OR9Q1: variants seen among roughly 807,000 people sequenced by gnomAD.
OR9Q1 encodes olfactory receptor 9Q1.
For synonymous variants in OR9Q1, 153 were observed against 148.6 expected (o/e 1.03, Z -0.22); for missense variants, 374 against 378.8 (o/e 0.99, Z 0.11).
At chr11:58,076,647 A>AATT (rs1422882371) in intron 2 of OR9Q1, among the ~76,000 whole-genome samples, 1 of 152,074 alleles carries the variant, frequency 6.6e-6, no homozygotes, top group Non-Finnish European at 1.5e-5. Flanking sequence ...AATAGTTTTT[A>AATT]ATTATTATTA....
intron 1 of OR9Q1, among the ~76,000 whole-genome samples, chr11:58,035,576 A>G (rs936927784): frequency 2.6e-5 from 4 of 152,216 alleles, no homozygotes; most frequent in Admixed American, 2.6e-4. Flanking sequence ...TCCAGAAACT[A>G]TAGAATATGG....
intron 2 of OR9Q1, chr11:58,117,191 A>G (rs1436030652): frequency 6.6e-6 from 1 of 152,186 alleles, no homozygotes; most frequent in African/African-American, 2.4e-5. Context: ...GTGCTTGGCT[A>G]TTTCTTATTC....
intron 1 of OR9Q1, among the ~76,000 whole-genome samples, chr11:58,024,630 C>T (rs12419399): frequency 0.11 from 17,160 of 152,210 alleles, 1,524 homozygotes; most frequent in African/African-American, 0.22. Flanking sequence ...GGCCAAGTTC[C>T]TGTGCGGCCT....
intron 2 of OR9Q1, among the ~76,000 whole-genome samples, chr11:58,146,428 C>A (rs1341740781): frequency 6.6e-6 from 1 of 152,084 alleles, no homozygotes; most frequent in African/African-American, 2.4e-5. Context: ...TATATGCTAT[C>A]TACTATGTAT....
chr11:58,077,424 A>AT (rs956268744), intron 2 of OR9Q1: 1 of 152,182 alleles, frequency 6.6e-6, no homozygotes, highest in Non-Finnish European at 1.5e-5. Flanking sequence ...TAGACTTTGG[A>AT]TCAAAAGTTC....
chr11:58,058,887 C>T (rs1404415443), intron 2 of OR9Q1, among the ~76,000 whole-genome samples: 1 of 152,082 alleles, frequency 6.6e-6, no homozygotes, highest in African/African-American at 2.4e-5. Flanking sequence ...CTGCTGGGCA[C>T]TGTGCGGAGG....
intron 2 of OR9Q1, among the ~76,000 whole-genome samples, chr11:58,157,404 T>C (rs951242470): frequency 2.0e-5 from 3 of 152,208 alleles, no homozygotes; most frequent in Non-Finnish European, 4.4e-5. Context: ...CAGTGATTAA[T>C]ATTCAATAAC....
Position 58,045,871 on chromosome 11 carries a change from A to C in OR9Q1, c.-92-9999A>C, listed in dbSNP as rs190253720. Reference sequence around the variant, plus strand: ...AGCACTACTGACACAGGGGCTGGATAATTCTTTGTTATGGAGAACTGTCCT... The same window carrying C: ...AGCACTACTGACACAGGGGCTGGATCATTCTTTGTTATGGAGAACTGTCCT... On this transcript the variant is annotated intron_variant, in intron 1 of 2. Coordinates refer to ENST00000335397, the MANE Select transcript of OR9Q1 (RefSeq NM_001005212.4). 1.3e-5 allele frequency among the ~76,000 whole-genome samples: 2 copies of C among 152,264 alleles called. 1 individual carries two copies. Among genetic ancestry groups the C allele is most frequent in the East Asian group, 3.9e-4 (2 of 5,168 alleles).
At chr11:58,101,550 T>G (rs766510205) in intron 2 of OR9Q1, among the ~76,000 whole-genome samples, 2 of 152,206 alleles carry the variant, frequency 1.3e-5, no homozygotes. Context: ...GTTGGATACA[T>G]AGTTTGTAAA....
chr11:58,064,021 G>T (rs1853405457), intron 2 of OR9Q1, among the ~76,000 whole-genome samples: 2 of 152,144 alleles, frequency 1.3e-5, no homozygotes, highest in Non-Finnish European at 2.9e-5. Context: ...TGGTTGGTTG[G>T]CGAGTGCAGG....
intron 1 of OR9Q1, among the ~76,000 whole-genome samples, chr11:58,042,467 G>A (rs955817250): frequency 1.8e-4 from 28 of 151,668 alleles, no homozygotes; most frequent in African/African-American, 4.1e-4. Context: ...GATATGCGGC[G>A]TTATTTCTGA....
At chr11:58,095,899 A>C (rs1853726379) in intron 2 of OR9Q1, among the ~76,000 whole-genome samples, 1 of 152,186 alleles carries the variant, frequency 6.6e-6, no homozygotes, top group Non-Finnish European at 1.5e-5. Flanking sequence ...TCAAAGTGAC[A>C]ACTCTGTTCC....
chr11:58,031,161 G>A (rs752146525), intron 1 of OR9Q1: 3 of 1,614,036 alleles, frequency 1.9e-6, no homozygotes, highest in South Asian at 2.2e-5. Context: ...CACTTGTCCT[G>A]CCTTGAAATC....
chr11:58,120,984 C>A (rs1472212125), intron 2 of OR9Q1, among the ~76,000 whole-genome samples: 1 of 151,812 alleles, frequency 6.6e-6, no homozygotes, highest in Non-Finnish European at 1.5e-5. Context: ...TAATTTAAGT[C>A]TTCTCTATAT....
intron 2 of OR9Q1, chr11:58,117,268 A>G (rs1450341173): frequency 6.6e-6 from 1 of 152,172 alleles, no homozygotes; most frequent in African/African-American, 2.4e-5. Context: ...TTAGGTCTGC[A>G]AAATTAAATC....
intron 2 of OR9Q1, among the ~76,000 whole-genome samples, chr11:58,142,677 T>C (rs918552911): frequency 1.3e-5 from 2 of 152,216 alleles, no homozygotes; most frequent in Non-Finnish European, 1.5e-5. Flanking sequence ...GAATCACCTC[T>C]GAAGTCCACA....
chr11:58,124,517 C>T (rs1854069481), intron 2 of OR9Q1: 3 of 152,140 alleles, frequency 2.0e-5, no homozygotes, highest in Non-Finnish European at 2.9e-5. Flanking sequence ...AGGAGCTCAA[C>T]AAAGTTAATG....
chr11:58,076,532 T>C (rs991651756), intron 2 of OR9Q1, among the ~76,000 whole-genome samples: 1 of 152,242 alleles, frequency 6.6e-6, no homozygotes, highest in African/African-American at 2.4e-5. Flanking sequence ...GGAGAATGTG[T>C]CTTCTGCTTC....
intron 2 of OR9Q1, among the ~76,000 whole-genome samples, chr11:58,148,117 C>T (rs1420015348): frequency 1.3e-5 from 2 of 152,088 alleles, no homozygotes; most frequent in Non-Finnish European, 2.9e-5. Flanking sequence ...GGCCAAAGTA[C>T]TATGTTCTTG....
Sources: gnomAD v4.1 joint callset for allele counts (sites outside exome capture counted in the v4.1 genomes callset) on GRCh38, gnomAD v4.1.1 for gene constraint, MANE v1.5 for transcripts, NCBI Gene and HGNC (gene_info 2026-07-23, HGNC 2026-07-21) for gene names.